The following GLI4 variants were observed in gnomAD, a reference collection of about 807,000 sequenced individuals.
GLI4 encodes GLI family zinc finger 4, also known as zinc finger protein GLI4.
Under a neutral mutation model 30.9 loss-of-function variants are expected in GLI4, and 34 were observed. The observed-to-expected ratio is 1.10, with a 90% CI of 0.84 to 1.47. The LOEUF (loss-of-function observed/expected upper bound fraction) is 1.47. GLI4 is among the 40% of genes most tolerant of loss of function. GLI4 has a pLI of 0.00. For synonymous variants in GLI4, 277 were observed against 236.7 expected (o/e 1.17, Z -1.56); for missense variants, 696 against 538.9 (o/e 1.29, Z -2.89).
At chr8:143,272,640 TGGCACAGCCTG>T (rs1239259623) in intron 2 of GLI4, among the ~76,000 whole-genome samples, 7 of 152,274 alleles carry the variant, frequency 4.6e-5, no homozygotes, top group African/African-American at 1.2e-4. Context: ...TGTGGAGACC[TGGCACAGCCTG>T]GGCACAGCCA....
At chr8:143,274,583 A>G in intron 2 of GLI4, 121 bp from the exon 3 acceptor site, 1 of 945,858 alleles carries the variant, frequency 1.1e-6, no homozygotes, top group Non-Finnish European at 1.5e-6. Flanking sequence ...TGCTGTTGGG[A>G]TTGGGAGGGC....
chr8:143,268,838 T>TTGC (rs201537418), intron 1 of GLI4, among the ~76,000 whole-genome samples: 3,167 of 148,114 alleles, frequency 0.021, 129 homozygotes, highest in African/African-American at 0.075. Flanking sequence ...CGTTACTCCT[T>TTGC]TGCTGCTGCT....
In GLI4 at chr8:143,276,289, A is replaced by G. The variant is rs1273975460; in HGVS notation, c.616A>G (p.Thr206Ala). The G allele has an allele frequency of 6.2e-7, 1 of 1,611,770 alleles. No individual in the cohort carries two copies. The highest frequency in any genetic ancestry group is 2.2e-5 in the East Asian group (1 of 44,816). ...SLLLKHQRIH[T>A]GEKPYACHEC... is the part of the protein sequence containing the mutation. ...GCTCCTGAAGCACCAGCGCATCCAC[A>G]CGGGCGAGAAGCCCTACGCCTGCCA... The change falls in exon 4 of 4, where the codon ACG (threonine) becomes GCG (alanine). Residue 206 changes from threonine to alanine, a missense_variant. Coordinates refer to ENST00000340042, the MANE Select transcript of GLI4 (RefSeq NM_138465.4).
chr8:143,273,280 C>A (rs997078210), intron 2 of GLI4: 5 of 152,256 alleles, frequency 3.3e-5, no homozygotes, highest in African/African-American at 1.2e-4. Flanking sequence ...GGCCTGTCTC[C>A]ACAATGGGGA....
intron 1 of GLI4, 56 bp downstream of exon 1, chr8:143,267,540 G>C (rs1327166243): frequency 2.0e-6 from 2 of 985,638 alleles, no homozygotes; most frequent in African/African-American, 1.7e-5. Flanking sequence ...AGCCCAGTCC[G>C]AGCTCGTGCG....
At chr8:143,274,865 T>C in intron 3 of GLI4, 63 bp downstream of exon 3, 3 of 1,512,118 alleles carry the variant, frequency 2.0e-6, no homozygotes, top group Non-Finnish European at 2.7e-6. Flanking sequence ...CTCCTCACAA[T>C]GCCCACCTCT....
intron 2 of GLI4, 45 bp downstream of exon 2, chr8:143,269,565 C>G: frequency 6.7e-7 from 1 of 1,503,644 alleles, no homozygotes; most frequent in Non-Finnish European, 9.2e-7. Flanking sequence ...GCATCCCCTG[C>G]CCTCACGTCC....
intron 3 of GLI4, chr8:143,275,333 G>A (rs930639851): frequency 1.3e-5 from 19 of 1,421,008 alleles, no homozygotes; most frequent in African/African-American, 7.2e-5. Flanking sequence ...ACATCTGGGC[G>A]GCCCTGGGGT....
At chr8:143,267,570 C>T (rs1815164282) in intron 1 of GLI4, 86 bp downstream of exon 1, 2 of 985,432 alleles carry the variant, frequency 2.0e-6, no homozygotes, top group Non-Finnish European at 2.4e-6. Flanking sequence ...GCGGTGCAGC[C>T]CTGCCCAGCC....
Position 143,276,811 on chromosome 8 carries a change from G to GGGGGCTC in GLI4, c.*17_*23dup, listed in dbSNP as rs769089274. ...GGTGCACTACCGCGAGTAGCCGGGC[G>GGGGGCTC]GGGGCTCGGGGCTCGGCCTCCTACC... On this transcript the variant is annotated 3_prime_UTR_variant, in exon 4 of 4. Coordinates refer to ENST00000340042, the MANE Select transcript of GLI4 (RefSeq NM_138465.4). 14 of 1,525,186 alleles carry GGGGGCTC rather than the reference G, an allele frequency of 9.2e-6. No homozygotes were observed. In the East Asian group the frequency reaches 1.2e-4, roughly 13 times the overall value. 94.5% of individuals were successfully genotyped at this position (1,525,186 alleles called of 1,614,324 possible).
intron 2 of GLI4, among the ~76,000 whole-genome samples, chr8:143,271,658 G>T (rs1169800366): frequency 6.6e-6 from 1 of 152,204 alleles, no homozygotes; most frequent in Non-Finnish European, 1.5e-5. Flanking sequence ...GGCACATGTG[G>T]TCACCTCAGG....
rs752468792 is a variant in GLI4, at chr8:143,274,722, C to T, written c.143C>T (p.Pro48Leu). ...CCCCCAGGCTCCCCTGGCTCCAGCC[C>T]TAAGGTGCTCTCCCAGCCGTCCGAC... ...GHQHGSPGSS[P>L]KVLSQPSDLD... is the part of the protein sequence containing the mutation. The change falls in exon 3 of 4, where the codon CCT (proline) becomes CTT (leucine). Residue 48 changes from proline (P) to leucine (L), a missense_variant. Coordinates refer to ENST00000340042, the MANE Select transcript of GLI4 (RefSeq NM_138465.4). 37 of 1,563,468 alleles carry T rather than the reference C, an allele frequency of 2.4e-5. No homozygotes were observed. The highest frequency in any genetic ancestry group is 2.5e-5 in the Non-Finnish European group (29 of 1,152,538).
chr8:143,271,258 CAGG>C (rs1343085114), intron 2 of GLI4, among the ~76,000 whole-genome samples: 1 of 152,016 alleles, frequency 6.6e-6, no homozygotes, highest in African/African-American at 2.4e-5. Context: ...GAGACTGTGG[CAGG>C]AGGAGATTGT....
Position 143,268,838 on chromosome 8 carries a change from T to TTGCTGCTGCTGCTGCTGC in GLI4, c.-37-516_-37-499dup, listed in dbSNP as rs201537418. Among the ~76,000 whole-genome samples the TTGCTGCTGCTGCTGCTGC allele has an allele frequency of 1.8e-3, 266 of 148,124 alleles. 1 individual carries two copies. Among genetic ancestry groups the TTGCTGCTGCTGCTGCTGC allele is most frequent in the African/African-American group, 6.2e-3 (250 of 40,294 alleles). ...GCGCGCCTTCCAAGGCGTTACTCCTTTGCTGCTGCTGCTGCTGCTGCTGTT... is the reference window on the plus strand; with the variant it reads ...GCGCGCCTTCCAAGGCGTTACTCCTTTGCTGCTGCTGCTGCTGCTGCTGCTGCTGCTGCTGCTGCTGTT... On this transcript the variant is annotated intron_variant, in intron 1 of 3. Transcript: ENST00000340042.
At chr8:143,273,171 C>T (rs1815306980) in intron 2 of GLI4, 1 of 152,318 alleles carries the variant, frequency 6.6e-6, no homozygotes, top group Non-Finnish European at 1.5e-5. Flanking sequence ...TCACCGCCCC[C>T]TCTGTAGGAG....
chr8:143,269,006 G>C (rs1815206551), intron 1 of GLI4, among the ~76,000 whole-genome samples: 1 of 152,190 alleles, frequency 6.6e-6, no homozygotes, highest in Non-Finnish European at 1.5e-5. Context: ...ACTGCGCCCA[G>C]CTAATTTTTA....
rs761281274 is a variant in GLI4 at position 143,276,312 on chromosome 8, C to T, written c.639C>T (p.Cys213=). 1.9e-6 allele frequency: 3 copies of T among 1,611,612 alleles called. No homozygotes were observed. The highest frequency in any genetic ancestry group is 2.2e-5 in the South Asian group (2 of 90,974). The change falls in exon 4 of 4, where the codon TGC becomes TGT. Residue 213 remains cysteine (C), a synonymous_variant. Transcript: ENST00000340042. ...RIHTGEKPYA[C]HECGKRFRGW... ...ACACGGGCGAGAAGCCCTACGCCTG[C>T]CACGAGTGCGGCAAGCGCTTCCGCG... is the stretch of plus-strand genomic sequence containing the variant.
chr8:143,275,946 C>A lies in GLI4; in HGVS notation c.273C>A (p.Ala91=). 1 of 1,333,668 alleles carries A rather than the reference C, an allele frequency of 7.5e-7. No homozygotes were observed. The allele number at this position is 1,333,668 out of a possible 1,614,324, so 82.6% of individuals were successfully genotyped here. ...CTCCACGCTCTCCTGGCTCTCAGGC[C>A]CCTGACGAGGGGGCGGGCGGGGCGC... ...EQAPRSPGSQ[A]PDEGAGGALR... Residue 91 remains alanine, a synonymous_variant, in exon 4 of 4, where the codon GCC becomes GCA. Transcript: ENST00000340042.
At chr8:143,267,568 G>T in intron 1 of GLI4, 84 bp downstream of exon 1, 1 of 985,548 alleles carries the variant, frequency 1.0e-6, no homozygotes, top group Non-Finnish European at 1.2e-6. Context: ...CCGCGGTGCA[G>T]CCCTGCCCAG....
Sources: gnomAD v4.1 joint callset for allele counts (sites outside exome capture counted in the v4.1 genomes callset) on GRCh38, gnomAD v4.1.1 for gene constraint, MANE v1.5 for transcripts, NCBI Gene and HGNC (gene_info 2026-07-23, HGNC 2026-07-21) for gene names.